The following SCEL variants were observed in gnomAD, a reference collection of about 807,000 sequenced individuals.
SCEL encodes the protein sciellin.
Under a neutral mutation model 117.6 loss-of-function variants are expected in SCEL, and 113 were observed. That is an observed-to-expected ratio of 0.96 (90% CI 0.83 to 1.12). SCEL has a LOEUF of 1.12. SCEL is among the 50% of genes most tolerant of loss of function. SCEL has a pLI of 0.00. For synonymous variants in SCEL, 270 were observed against 256.2 expected (o/e 1.05, Z -0.51); for missense variants, 785 against 810.8 (o/e 0.97, Z 0.39).
chr13:77,586,749 A>G (rs886734824), intron 9 of SCEL, among the ~76,000 whole-genome samples: 11 of 152,224 alleles, frequency 7.2e-5, no homozygotes, highest in African/African-American at 2.7e-4. Context: ...ATCCTTCAAG[A>G]GACAGCACAG....
intron 24 of SCEL, among the ~76,000 whole-genome samples, chr13:77,615,367 T>C (rs184461829): frequency 6.6e-6 from 1 of 152,032 alleles, no homozygotes; most frequent in African/African-American, 2.4e-5. Flanking sequence ...ATATAAAAAT[T>C]AATTAAGCGC....
At chr13:77,573,607 G>A (rs1016831277) in intron 9 of SCEL, among the ~76,000 whole-genome samples, 1 of 152,020 alleles carries the variant, frequency 6.6e-6, no homozygotes, top group Non-Finnish European at 1.5e-5. Flanking sequence ...GACACAAAGA[G>A]CTCAAGTTGC....
At chr13:77,552,379 T>C (rs1181290793) in intron 1 of SCEL, among the ~76,000 whole-genome samples, 4 of 152,034 alleles carry the variant, frequency 2.6e-5, no homozygotes, top group Admixed American at 1.3e-4. Context: ...TTTTTAATGA[T>C]TGCCATTCTA....
intron 16 of SCEL, 30 bp downstream of exon 16, chr13:77,602,154 CTTT>C: frequency 6.3e-7 from 1 of 1,575,486 alleles, no homozygotes; most frequent in Non-Finnish European, 8.6e-7. Context: ...TGATGGAGCT[CTTT>C]TTATTCAGGT....
At chr13:77,576,682 T>C (rs1184438461) in intron 9 of SCEL, among the ~76,000 whole-genome samples, 1 of 152,168 alleles carries the variant, frequency 6.6e-6, no homozygotes, top group Non-Finnish European at 1.5e-5. Context: ...TCTCCTATAA[T>C]GGTAGTTTAA....
intron 1 of SCEL, among the ~76,000 whole-genome samples, chr13:77,551,004 C>T (rs1156270889): frequency 1.3e-5 from 2 of 152,116 alleles, no homozygotes; most frequent in African/African-American, 2.4e-5. Context: ...CAGGCAAACC[C>T]CTGCATCCAC....
At chr13:77,578,569 G>T (rs1379760154) in intron 9 of SCEL, among the ~76,000 whole-genome samples, 3 of 152,180 alleles carry the variant, frequency 2.0e-5, no homozygotes, top group Non-Finnish European at 4.4e-5. Context: ...GAGATCTGAT[G>T]TTGTAGGAAG....
intron 8 of SCEL, among the ~76,000 whole-genome samples, chr13:77,570,663 T>A (rs2085545506): frequency 6.6e-6 from 1 of 152,224 alleles, no homozygotes; most frequent in African/African-American, 2.4e-5. Context: ...ATCATTCTCA[T>A]CTGAATATCT....
At chr13:77,631,349 A>C (rs188983115) in intron 28 of SCEL, among the ~76,000 whole-genome samples, 1 of 152,332 alleles carries the variant, frequency 6.6e-6, no homozygotes, top group Admixed American at 6.5e-5. Flanking sequence ...CCCATGAAAA[A>C]CAAAGACTTC....
intron 1 of SCEL, among the ~76,000 whole-genome samples, chr13:77,554,316 C>G (rs1221383169): frequency 6.6e-6 from 1 of 152,096 alleles, no homozygotes; most frequent in South Asian, 2.1e-4. Context: ...GGCCTAACAG[C>G]GAAGGGCAAA....
intron 1 of SCEL, among the ~76,000 whole-genome samples, chr13:77,542,265 G>A (rs1226398829): frequency 6.6e-6 from 1 of 152,190 alleles, no homozygotes; most frequent in Non-Finnish European, 1.5e-5. Flanking sequence ...GAGAGGCATG[G>A]TGGTGCGTGC....
chr13:77,580,402 T>G (rs528602517), intron 9 of SCEL, among the ~76,000 whole-genome samples: 4 of 152,204 alleles, frequency 2.6e-5, no homozygotes, highest in African/African-American at 9.7e-5. Context: ...TTGCCGGACG[T>G]GAGCCAATGG....
At chr13:77,612,572 G>GCT (rs200467875) in intron 22 of SCEL, among the ~76,000 whole-genome samples, 3 of 149,916 alleles carry the variant, frequency 2.0e-5, no homozygotes, top group African/African-American at 7.3e-5. Context: ...TTTCTCTCGT[G>GCT]CATTGTAACC....
intron 9 of SCEL, among the ~76,000 whole-genome samples, chr13:77,580,400 C>T (rs556745125): frequency 2.0e-5 from 3 of 152,102 alleles, no homozygotes; most frequent in East Asian, 3.8e-4. Flanking sequence ...ATTTGCCGGA[C>T]GTGAGCCAAT....
rs747192662 is a variant in SCEL, at chr13:77,599,380, A to T, written c.849A>T (p.Arg283Ser). Residue 283 changes from arginine to serine, a missense_variant, in exon 14 of 33, where the codon AGA (arginine) becomes AGT (serine). By Grantham distance (110) the Arg-to-Ser change is moderately radical. Coordinates refer to ENST00000349847, the MANE Select transcript of SCEL (RefSeq NM_144777.3). ...GAGCAAATCCAAAGGTAGAAGAAAG[A>T]GAGAAAAGGTAAGTGCATCTGTCTC... ...LFRANPKVEE[R>S]EKRAKSLESL... is the part of the protein sequence containing the mutation. 2 of 1,612,008 alleles carry T rather than the reference A, an allele frequency of 1.2e-6. No homozygotes were observed. The highest frequency in any genetic ancestry group is 1.7e-6 in the Non-Finnish European group (2 of 1,178,500).
chr13:77,593,300 G>GTGTGTGCGCGCGTC lies in SCEL; in HGVS notation c.693-208_693-207insCGCGCGTCTGTGTG, dbSNP rs1555510797. ...TGTGTGTGTGTGTGTGTGTGTGTCTGTGTGTGTGTGTGTGTGTGTCAGTGG... is the reference window on the plus strand; with the variant it reads ...TGTGTGTGTGTGTGTGTGTGTGTCTGTGTGTGCGCGCGTCTGTGTGTGTGTGTGTGTGTCAGTGG... On this transcript the variant is annotated intron_variant, in intron 11 of 32. Coordinates refer to ENST00000349847, the MANE Select transcript of SCEL (RefSeq NM_144777.3). Among the ~76,000 whole-genome samples the GTGTGTGCGCGCGTC allele has an allele frequency of 2.7e-3, 385 of 145,202 alleles. 1 individual carries two copies. The highest frequency in any genetic ancestry group is 4.0e-3 in the Non-Finnish European group (262 of 65,564).
chr13:77,541,430 C>T (rs1567327723), intron 1 of SCEL, among the ~76,000 whole-genome samples: 5 of 152,062 alleles, frequency 3.3e-5, no homozygotes. Flanking sequence ...CAATAGGGAT[C>T]AAGAATATTT....
Position 77,627,980 on chromosome 13 carries a change from T to C in SCEL, c.1662T>C (p.Asn554=). The change falls in exon 28 of 33, where the codon AAT becomes AAC. Residue 554 remains asparagine, a synonymous_variant. Coordinates refer to ENST00000349847, the MANE Select transcript of SCEL (RefSeq NM_144777.3). Reference sequence around the variant, plus strand: ...ACCTGGAAAATTTAATTGAAGTAAATTCTCATGTGTCTGAAAACAAGAATG... The same window carrying C: ...ACCTGGAAAATTTAATTGAAGTAAACTCTCATGTGTCTGAAAACAAGAATG... The part of the protein sequence containing the change: ...DQNLENLIEV[N]SHVSENKNGS... The C allele has an allele frequency of 6.6e-7, 1 of 1,509,020 alleles. No individual in the cohort carries two copies. Among genetic ancestry groups the C allele is most frequent in the Non-Finnish European group, 9.0e-7 (1 of 1,111,360 alleles). The allele number at this position is 1,509,020 out of a possible 1,614,324, so 93.5% of individuals were successfully genotyped here.
intron 11 of SCEL, among the ~76,000 whole-genome samples, chr13:77,593,213 G>T (rs996893522): frequency 4.0e-5 from 6 of 151,638 alleles, no homozygotes; most frequent in African/African-American, 9.7e-5. Flanking sequence ...TTATTTCAGT[G>T]AGCACTAGAT....
Sources: gnomAD v4.1 joint callset for allele counts (sites outside exome capture counted in the v4.1 genomes callset) on GRCh38, gnomAD v4.1.1 for gene constraint, MANE v1.5 for transcripts, NCBI Gene and HGNC (gene_info 2026-07-23, HGNC 2026-07-21) for gene names.